IRAG2: variants seen among roughly 807,000 people sequenced by gnomAD.
IRAG2 encodes lymphoid restricted membrane protein.
IRAG2 carries 45 observed loss-of-function variants against 69.9 expected under a neutral mutation model. The ratio of observed to expected loss-of-function variants is 0.64; its 90% CI spans 0.51 to 0.83. The LOEUF (loss-of-function observed/expected upper bound fraction) is 0.83. Ranked by LOEUF, IRAG2 falls within the 40% of genes least tolerant of loss-of-function variation. The probability of loss-of-function intolerance (pLI) is 0.00; values close to 1 mark genes in which losing one functional copy is unlikely to be tolerated. For synonymous variants in IRAG2, 193 were observed against 202.4 expected, an observed-to-expected ratio of 0.95 and a Z score of 0.40; for missense variants, 520 against 587.0, an observed-to-expected ratio of 0.89 and a Z score of 1.18.
chr12:25,016,120 C>T (rs1390697966), intron 5 of IRAG2, among the ~76,000 whole-genome samples: 1 of 151,260 alleles, frequency 6.6e-6, no homozygotes, highest in African/African-American at 2.4e-5. Flanking sequence ...GGCTTGAACC[C>T]GGAAGGTGGA....
chr12:25,048,009 A>G (rs945512612), upstream of IRAG2, among the ~76,000 whole-genome samples: 8 of 152,152 alleles, frequency 5.3e-5, no homozygotes, highest in African/African-American at 1.7e-4. Context: ...TGGTATTTCT[A>G]CCTCTATTTA....
intron 5 of IRAG2, chr12:25,015,530 T>A: frequency 1.5e-6 from 1 of 675,438 alleles, no homozygotes; most frequent in Non-Finnish European, 2.1e-6. Flanking sequence ...CTTTGCTCTT[T>A]TTTTGCAGTA....
chr12:25,080,048 T>C (rs997887789), intron 9 of IRAG2, among the ~76,000 whole-genome samples: 3 of 150,384 alleles, frequency 2.0e-5, no homozygotes, highest in South Asian at 2.1e-4. Flanking sequence ...ATGGCAAAGA[T>C]TGACTGGAAT....
chr12:25,061,197 T>C (rs12228264), intron 1 of IRAG2, among the ~76,000 whole-genome samples: 3 of 152,216 alleles, frequency 2.0e-5, no homozygotes, highest in Admixed American at 2.0e-4. Context: ...TTAAAAGTTT[T>C]TGAAGCAATG....
chr12:25,001,859 T>A (rs967214631), upstream of IRAG2, among the ~76,000 whole-genome samples: 1 of 149,616 alleles, frequency 6.7e-6, no homozygotes, highest in Non-Finnish European at 1.5e-5. Flanking sequence ...AACCTCTGCC[T>A]CCTGGGTTCA....
chr12:25,053,826 G>A (rs987594613), intron 1 of IRAG2, among the ~76,000 whole-genome samples: 3 of 151,124 alleles, frequency 2.0e-5, no homozygotes, highest in Admixed American at 1.3e-4. Context: ...TAAGCTTAAG[G>A]TAGGCTAGAG....
rs559624483 is a variant in IRAG2 at position 25,081,265 on chromosome 12, C to A, written c.244+1502C>A. ...ATCACGAGGTCAGAAGATCGAGGGA[C>A]CATCCTGACTAACACGGTGGAACCC... On this transcript the variant is annotated intron_variant, in intron 9 of 21. Coordinates refer to ENST00000556887, the MANE Select transcript of IRAG2 (RefSeq NM_001366544.2). Among the ~76,000 whole-genome samples, 26 of 152,222 alleles carry A rather than the reference C, an allele frequency of 1.7e-4. No homozygotes were observed. In the South Asian group the frequency reaches 4.8e-3, roughly 28 times the overall value.
upstream of IRAG2, among the ~76,000 whole-genome samples, chr12:25,000,279 C>G (rs1944381761): frequency 6.6e-6 from 1 of 152,146 alleles, no homozygotes; most frequent in African/African-American, 2.4e-5. Flanking sequence ...AACCCCATCT[C>G]TACCAAAAAT....
chr12:25,086,271 A>G (rs11047821), intron 10 of IRAG2, among the ~76,000 whole-genome samples: 17,220 of 134,838 alleles, frequency 0.13, 1,310 homozygotes, highest in Admixed American at 0.2. Flanking sequence ...GAGGATGATG[A>G]CATGTCACGG....
chr12:25,049,796 C>T (rs189047481), upstream of IRAG2, among the ~76,000 whole-genome samples: 1,845 of 151,810 alleles, frequency 0.012, 15 homozygotes, highest in Non-Finnish European at 0.019. Flanking sequence ...TCCTGGCTAA[C>T]AAGGTGAAAC....
chr12:25,085,427 C>A (rs998824557), intron 10 of IRAG2, among the ~76,000 whole-genome samples: 1 of 152,202 alleles, frequency 6.6e-6, no homozygotes, highest in African/African-American at 2.4e-5. Flanking sequence ...GCTAAACTCC[C>A]CTTGGCATCC....
chr12:25,089,483 T>A, intron 11 of IRAG2, 131 bp from the exon 12 acceptor site: 1 of 589,650 alleles, frequency 1.7e-6, no homozygotes, highest in Non-Finnish European at 3.0e-6. Flanking sequence ...GTGCATACAT[T>A]ATTAGCTGGC....
chr12:25,034,844 C>G (rs1944692223), intron 13 of IRAG2, among the ~76,000 whole-genome samples: 2 of 152,190 alleles, frequency 1.3e-5, no homozygotes, highest in Admixed American at 1.3e-4. Flanking sequence ...GAAGCCATCT[C>G]CGGCAGCCCT....
At position 25,037,360 on chromosome 12, in the gene IRAG2, G is replaced by A. The variant is rs193042529; in HGVS notation, c.1981-614G>A. Among the ~76,000 whole-genome samples the A allele has an allele frequency of 2.1e-4, 32 of 152,144 alleles. 1 individual carries two copies. The East Asian group carries it at 6.2e-3, about 29-fold the overall frequency. The stretch of plus-strand genomic sequence containing the variant: ...GTTGCCCAAGCTGGAGGGCAGTGGC[G>A]TGATCTTAGCTCACTGCAAACTCTG... On this transcript the variant is annotated intron_variant, in intron 15 of 38. Coordinates refer to the IRAG2 transcript ENST00000636465.
chr12:25,026,560 AGGT>A (rs1434310133), intron 8 of IRAG2, among the ~76,000 whole-genome samples: 1 of 152,158 alleles, frequency 6.6e-6, no homozygotes, highest in East Asian at 1.9e-4. Context: ...GAAAGCCAAG[AGGT>A]GGTTGTTGAA....
In IRAG2 at chr12:25,083,412, G is replaced by C; in HGVS notation, c.245-11G>C. ...CCCCTAACTGCTTTGTGTGTTTCCTGTTTCTCACAGGCACAAGTCCAGCTC... is the reference window on the plus strand; with the variant it reads ...CCCCTAACTGCTTTGTGTGTTTCCTCTTTCTCACAGGCACAAGTCCAGCTC... On this transcript the variant is annotated splice_polypyrimidine_tract_variant and intron_variant, in intron 9 of 21. Coordinates refer to ENST00000556887, the MANE Select transcript of IRAG2 (RefSeq NM_001366544.2). 1 of 1,599,636 alleles carries C rather than the reference G, an allele frequency of 6.3e-7. No individual in the cohort carries two copies. The highest frequency in any genetic ancestry group is 8.6e-7 in the Non-Finnish European group (1 of 1,167,102).
chr12:25,044,671 CAAA>C (rs1391023432), intron 16 of IRAG2, among the ~76,000 whole-genome samples: 1 of 151,588 alleles, frequency 6.6e-6, no homozygotes, highest in African/African-American at 2.4e-5. Flanking sequence ...TCATAAGAGA[CAAA>C]GAAGGACATT....
At chr12:25,043,962 A>G (rs777381804) in intron 16 of IRAG2, among the ~76,000 whole-genome samples, 13 of 152,236 alleles carry the variant, frequency 8.5e-5, no homozygotes, top group Non-Finnish European at 1.6e-4. Context: ...ATGCCTGTGC[A>G]AAGTAAGAAT....
chr12:25,069,476 A>C (rs764936062), intron 6 of IRAG2, 45 bp downstream of exon 6: 5 of 1,546,058 alleles, frequency 3.2e-6, no homozygotes, highest in Non-Finnish European at 4.5e-6. Flanking sequence ...GTATTACCAT[A>C]TCCTGTTCTT....
Sources: gnomAD v4.1 joint callset for allele counts (sites outside exome capture counted in the v4.1 genomes callset) on GRCh38, gnomAD v4.1.1 for gene constraint, MANE v1.5 for transcripts, NCBI Gene and HGNC (gene_info 2026-07-23, HGNC 2026-07-21) for gene names.